Variants in RUBCN observed in about 807,000 individuals in gnomAD.
RUBCN encodes the protein rubicon autophagy regulator.
Under a neutral mutation model 113.2 loss-of-function variants are expected in RUBCN, and 74 were observed. That is an observed-to-expected ratio of 0.65 (90% CI 0.54 to 0.79). The LOEUF (loss-of-function observed/expected upper bound fraction) is 0.79, where lower values mean the gene tolerates loss of function less well. RUBCN is among the 30% of genes least tolerant of loss of function. The probability of loss-of-function intolerance (pLI) is 0.00; values close to 1 mark genes in which losing one functional copy is unlikely to be tolerated. For missense variants in RUBCN, 1,109 were observed against 1,251.7 expected (o/e 0.89, Z 1.72); for synonymous variants, 480 against 490.0 (o/e 0.98, Z 0.27).
intron 1 of RUBCN, among the ~76,000 whole-genome samples, chr3:197,747,879 A>T (rs1482437648): frequency 6.6e-6 from 1 of 151,890 alleles, no homozygotes; most frequent in African/African-American, 2.4e-5. Context: ...TCAGTGAAAA[A>T]GTTATCACTC....
chr3:197,746,868 C>G (rs747515322), intron 1 of RUBCN, among the ~76,000 whole-genome samples: 1 of 151,944 alleles, frequency 6.6e-6, no homozygotes, highest in Non-Finnish European at 1.5e-5. Context: ...ACAGCAGGTG[C>G]TGAGATATTC....
At chr3:197,721,803 CA>C (rs1726200142) in intron 1 of RUBCN, among the ~76,000 whole-genome samples, 2 of 152,100 alleles carry the variant, frequency 1.3e-5, no homozygotes, top group South Asian at 4.1e-4. Context: ...TCATTTGTCT[CA>C]ATAAATTTTC....
intron 1 of RUBCN, among the ~76,000 whole-genome samples, chr3:197,728,923 G>A (rs1042691638): frequency 6.6e-6 from 1 of 152,072 alleles, no homozygotes; most frequent in Non-Finnish European, 1.5e-5. Flanking sequence ...TGTGAGAGTG[G>A]GTGAGTGTGC....
chr3:197,682,856 C>A (rs898043597), intron 13 of RUBCN, among the ~76,000 whole-genome samples: 1 of 152,112 alleles, frequency 6.6e-6, no homozygotes, highest in South Asian at 2.1e-4. Context: ...AACCAGGAGG[C>A]GCCAAGGTAC....
intron 7 of RUBCN, chr3:197,699,214 T>C: frequency 6.5e-7 from 1 of 1,549,916 alleles, no homozygotes; most frequent in Non-Finnish European, 8.7e-7. Flanking sequence ...ACTATAATGG[T>C]GATATTCCTG....
chr3:197,747,863 C>G (rs1262929299), intron 1 of RUBCN, among the ~76,000 whole-genome samples: 1 of 151,872 alleles, frequency 6.6e-6, no homozygotes, highest in Non-Finnish European at 1.5e-5. Flanking sequence ...CAGTGAATAA[C>G]TAAAGTCAGT....
chr3:197,718,526 T>C (rs1043748939), intron 1 of RUBCN, among the ~76,000 whole-genome samples: 1 of 152,182 alleles, frequency 6.6e-6, no homozygotes, highest in Non-Finnish European at 1.5e-5. Context: ...CACAGCTCAC[T>C]GTAGCCTCAA....
At position 197,694,540 on chromosome 3, in the gene RUBCN, C is replaced by T. The variant is rs772668569; in HGVS notation, c.1519G>A (p.Glu507Lys). The T allele has an allele frequency of 2.5e-6, 4 of 1,614,150 alleles. No individual in the cohort carries two copies. The highest frequency in any genetic ancestry group is 2.2e-5 in the East Asian group (1 of 44,886). Residue 507 changes from glutamate to lysine, a missense_variant, in exon 10 of 20, where the codon GAG (glutamate) becomes AAG (lysine). By Grantham distance (56) the Glu-to-Lys change is moderately conservative. Transcript: ENST00000296343. ...SISESLIAAIELMKCNMMSQC... is the reference protein window; with the variant it reads ...SISESLIAAIKLMKCNMMSQC... ...CTCATCATGTTGCACTTCATTAGCT[C>T]GATGGCAGCAATTAAGGACTCTGAG... is the stretch of plus-strand genomic sequence containing the variant.
At chr3:197,708,554 C>CAAAA (rs113534449) in intron 2 of RUBCN, among the ~76,000 whole-genome samples, 6 of 74,558 alleles carry the variant, frequency 8.0e-5, no homozygotes, top group Non-Finnish European at 1.8e-4. Context: ...GTGGTAGACT[C>CAAAA]AAAAAAAAAA....
At position 197,705,143 on chromosome 3, in the gene RUBCN, G is replaced by C. The variant is rs768108966; in HGVS notation, c.252C>G (p.Phe84Leu). The change falls in exon 3 of 20, where the codon TTC (phenylalanine) becomes TTG (leucine). Residue 84 changes from phenylalanine to leucine, a missense_variant. Phe to Leu is a conservative substitution (Grantham distance 22). Transcript: ENST00000296343. The part of the protein sequence containing the change: ...ACRRQTDYWQ[F>L]VKDIRWLSPH... Reference sequence around the variant, plus strand: ...GACTGAGCCACCGGATGTCTTTCACGAACTGCCAGTAATCCGTCTGGCGGC... The same window carrying C: ...GACTGAGCCACCGGATGTCTTTCACCAACTGCCAGTAATCCGTCTGGCGGC... 3.7e-6 allele frequency: 6 copies of C among 1,613,974 alleles called. No individual in the cohort carries two copies. Among genetic ancestry groups the C allele is most frequent in the African/African-American group, 1.3e-5 (1 of 74,916 alleles).
chr3:197,698,020 GT>G (rs1300631113), intron 7 of RUBCN, among the ~76,000 whole-genome samples: 3 of 152,090 alleles, frequency 2.0e-5, no homozygotes, highest in African/African-American at 7.2e-5. Context: ...CGATGCCTTG[GT>G]AAAAAACCAT....
At chr3:197,738,483 G>T (rs1446886954), upstream of RUBCN, among the ~76,000 whole-genome samples, 1 of 152,096 alleles carries the variant, frequency 6.6e-6, no homozygotes, top group African/African-American at 2.4e-5. Flanking sequence ...TTTCATTTAG[G>T]TTAAAAAAAT....
At chr3:197,747,130 T>C (rs973563502) in intron 1 of RUBCN, among the ~76,000 whole-genome samples, 15 of 152,154 alleles carry the variant, frequency 9.9e-5, no homozygotes, top group African/African-American at 3.4e-4. Flanking sequence ...TTACTGTGTG[T>C]GTCTCGGGTT....
chr3:197,742,081 G>C (rs13316945), intron 1 of RUBCN, among the ~76,000 whole-genome samples: 10,045 of 151,728 alleles, frequency 0.066, 972 homozygotes, highest in African/African-American at 0.22. Flanking sequence ...ATTTTTAGTA[G>C]AGACGGGGTT....
Position 197,674,927 on chromosome 3 carries a change from A to AT in RUBCN, c.*90_*91insA. On this transcript the variant is annotated 3_prime_UTR_variant, in exon 20 of 20. Coordinates refer to ENST00000296343, the MANE Select transcript of RUBCN (RefSeq NM_014687.4). ...GATAATTAAAAAAAAAAAAAAAAAA[A>AT]GAAGCCCCAGGTGGGGCGAGTCCTT... The AT allele has an allele frequency of 6.0e-6, 6 of 1,006,060 alleles. No homozygotes were observed. The South Asian group carries it at 7.9e-5, about 13-fold the overall frequency. 62.3% of individuals were successfully genotyped at this position (1,006,060 alleles called of 1,614,324 possible).
In RUBCN at chr3:197,676,948, C is replaced by T. The variant is rs369723761; in HGVS notation, c.2583G>A (p.Gly861=). Residue 861 remains glycine, a synonymous_variant, in exon 18 of 20, where the codon GGG becomes GGA. Transcript: ENST00000296343. ...SLNDLTATRK[G]ELGPRLAELT... Reference sequence around the variant, plus strand: ...GCTCAGCAAGCCGGGGCCCCAGCTCCCCCTTCCTGGTCGCAGTCAGGTCAT... The same window carrying T: ...GCTCAGCAAGCCGGGGCCCCAGCTCTCCCTTCCTGGTCGCAGTCAGGTCAT... 5.1e-5 allele frequency: 83 copies of T among 1,614,236 alleles called. 1 individual carries two copies. In the African/African-American group the frequency reaches 8.9e-4, roughly 17 times the overall value.
chr3:197,676,328 T>C, intron 18 of RUBCN: 1 of 1,000,822 alleles, frequency 1.0e-6, no homozygotes, highest in Non-Finnish European at 1.2e-6. Flanking sequence ...TCATGACAAC[T>C]GCCTTTTTTT....
chr3:197,706,246 G>A (rs1302293800), intron 2 of RUBCN, among the ~76,000 whole-genome samples: 1 of 152,194 alleles, frequency 6.6e-6, no homozygotes, highest in African/African-American at 2.4e-5. Flanking sequence ...ATGGTCTCAC[G>A]CTGGGACAGG....
chr3:197,696,566 G>T (rs746217948), intron 8 of RUBCN, among the ~76,000 whole-genome samples: 115 of 151,894 alleles, frequency 7.6e-4, no homozygotes, highest in Non-Finnish European at 5.6e-4. Flanking sequence ...GGGCTGGGAG[G>T]CAGAAAAGGA....
Sources: allele counts gnomAD v4.1 joint callset (sites outside exome capture counted in the v4.1 genomes callset), GRCh38; gene constraint gnomAD v4.1.1; transcripts MANE v1.5; gene names NCBI Gene and HGNC (gene_info 2026-07-23, HGNC 2026-07-21).